Variants in ANGPT4 observed in about 807,000 individuals in gnomAD.
The protein encoded by ANGPT4 is angiopoietin-4.
In ANGPT4, 50 loss-of-function variants were observed where a neutral mutation model predicts 53.0. The observed-to-expected ratio is 0.94, with a 90% CI of 0.75 to 1.20. The LOEUF (loss-of-function observed/expected upper bound fraction) is 1.20. ANGPT4 is among the 50% of genes most tolerant of loss of function. ANGPT4 has a pLI of 0.00. For synonymous variants in ANGPT4, 251 were observed against 259.7 expected, an observed-to-expected ratio of 0.97 and a Z score of 0.32; for missense variants, 648 against 637.1, an observed-to-expected ratio of 1.02 and a Z score of -0.18.
intron 1 of ANGPT4, among the ~76,000 whole-genome samples, chr20:893,592 A>G (rs1180868910): frequency 6.6e-6 from 1 of 151,816 alleles, no homozygotes; most frequent in Admixed American, 6.6e-5. Context: ...AGCCATCACC[A>G]TCTCCCACCC....
In ANGPT4 at chr20:904,777, C is replaced by T. The variant is rs116216514; in HGVS notation, c.309+11129G>A. On this transcript the variant is annotated intron_variant, in intron 1 of 8. Coordinates refer to ENST00000381922, the MANE Select transcript of ANGPT4 (RefSeq NM_015985.4). The stretch of plus-strand genomic sequence containing the variant: ...AAGTATCTGGGACTATAGGCATGTG[C>T]CACCAGGCCCAGCCAATTTTTCAGT... Among the ~76,000 whole-genome samples the T allele has an allele frequency of 7.1e-3, 1,074 of 152,268 alleles. 10 individuals are homozygous for T. The highest frequency in any genetic ancestry group is 0.025 in the African/African-American group (1,020 of 41,536).
rs377130281 is a variant in ANGPT4 at position 915,792 on chromosome 20, T to C, written c.309+114A>G. 1.3e-5 allele frequency: 17 copies of C among 1,318,802 alleles called. No homozygotes were observed. The African/African-American group carries it at 2.4e-4, about 18-fold the overall frequency. 81.7% of individuals were successfully genotyped at this position (1,318,802 alleles called of 1,614,324 possible). On this transcript the variant is annotated intron_variant, in intron 1 of 8. Coordinates refer to ENST00000381922, the MANE Select transcript of ANGPT4 (RefSeq NM_015985.4). Reference sequence around the variant, plus strand: ...CCACCCCTGCCCCTCTTTGTGCAGCTCAGAGACAGCCCTCTGTGCTCAGGG... The same window carrying C: ...CCACCCCTGCCCCTCTTTGTGCAGCCCAGAGACAGCCCTCTGTGCTCAGGG...
rs1245055788 is a variant in ANGPT4, at chr20:871,769, T to G, written c.*1191A>C. The G allele has an allele frequency of 6.6e-6, 1 of 152,238 alleles. No individual in the cohort carries two copies. Among genetic ancestry groups the G allele is most frequent in the Admixed American group, 6.6e-5 (1 of 15,264 alleles). 9.4% of individuals were successfully genotyped at this position (152,238 alleles called of 1,614,324 possible). A position where few individuals can be genotyped will look rare whatever the true frequency, so the allele number is the denominator to read the frequency against. ...CTAAGGGAAGCCACCCAGGTAGAGATCAGCTTCCTGGGACTTGAAGGAGCC... is the reference window on the plus strand; with the variant it reads ...CTAAGGGAAGCCACCCAGGTAGAGAGCAGCTTCCTGGGACTTGAAGGAGCC... On this transcript the variant is annotated 3_prime_UTR_variant, in exon 9 of 9. Coordinates refer to ENST00000381922, the MANE Select transcript of ANGPT4 (RefSeq NM_015985.4).
At chr20:897,077 C>A (rs180999888) in intron 1 of ANGPT4, among the ~76,000 whole-genome samples, 1 of 152,174 alleles carries the variant, frequency 6.6e-6, no homozygotes, top group Non-Finnish European at 1.5e-5. Context: ...CAGAGAACAA[C>A]CCCCTTTAAC....
Position 904,459 on chromosome 20 carries a change from C to T in ANGPT4, c.309+11447G>A, listed in dbSNP as rs113919658. Among the ~76,000 whole-genome samples, 1,000 of 152,014 alleles carry T rather than the reference C, an allele frequency of 6.6e-3. 8 individuals carry two copies. Among genetic ancestry groups the T allele is most frequent in the Non-Finnish European group, 0.011 (766 of 68,030 alleles). On this transcript the variant is annotated intron_variant, in intron 1 of 8. Coordinates refer to ENST00000381922, the MANE Select transcript of ANGPT4 (RefSeq NM_015985.4). ...CTATGGGCCTCCATTGTTTGCTCAT[C>T]TAGTCCCCTCTAGCTGGGCCTGTAG...
rs1415454477 is a variant in ANGPT4 at position 908,827 on chromosome 20, T to C, written c.309+7079A>G. On this transcript the variant is annotated intron_variant, in intron 1 of 8. Transcript: ENST00000381922. This position sits in a 1 kb window ranked among gnomAD's most constrained non-coding sequence, Gnocchi z 4.9. ...TGCACATCTACACATAGTCCCAGAATTGAAAGGATGCATGATTTTTTCATG... is the reference window on the plus strand; with the variant it reads ...TGCACATCTACACATAGTCCCAGAACTGAAAGGATGCATGATTTTTTCATG... Among the ~76,000 whole-genome samples the C allele has an allele frequency of 6.6e-6, 1 of 152,124 alleles. No individual in the cohort carries two copies. Among genetic ancestry groups the C allele is most frequent in the Non-Finnish European group, 1.5e-5 (1 of 68,022 alleles).
Position 911,556 on chromosome 20 carries a change from G to A in ANGPT4, c.309+4350C>T, listed in dbSNP as rs926491287. ...AGGGAGTCACTTTGATAGCCAACCA[G>A]GAGAGAGAATCAGAGACAGAGACAC... On this transcript the variant is annotated intron_variant, in intron 1 of 8. Transcript: ENST00000381922. The surrounding 1 kb of genome is among the most constrained non-coding windows in gnomAD (Gnocchi z 4.9). Among the ~76,000 whole-genome samples the A allele has an allele frequency of 6.6e-6, 1 of 152,134 alleles. No individual in the cohort carries two copies. The highest frequency in any genetic ancestry group is 2.4e-5 in the African/African-American group (1 of 41,392).
chr20:916,000 G>A lies in ANGPT4; in HGVS notation c.215C>T (p.Ser72Leu), dbSNP rs892630652. The A allele has an allele frequency of 1.2e-6, 2 of 1,613,666 alleles. No homozygotes were observed. Among genetic ancestry groups the A allele is most frequent in the Non-Finnish European group, 1.7e-6 (2 of 1,179,702 alleles). Residue 72 changes from serine to leucine, a missense_variant, in exon 1 of 9, where the codon TCA (serine) becomes TTA (leucine). Physicochemically the swap from Ser to Leu is moderately radical, Grantham distance 145 (BLOSUM62 -2). Coordinates refer to ENST00000381922, the MANE Select transcript of ANGPT4 (RefSeq NM_015985.4). ...SRDSNTLQRE[S>L]LANPLHLGKL... is the part of the protein sequence containing the mutation. ...CCCCAGGTGCAGTGGGTTGGCCAGT[G>A]ATTCTCTCTGGAGGGTGTTGGAGTC...
intron 2 of ANGPT4, 136 bp from the exon 3 acceptor site, chr20:888,575 TACTC>T (rs1981710795): frequency 7.1e-7 from 1 of 1,406,066 alleles, no homozygotes; most frequent in South Asian, 1.5e-5. Flanking sequence ...TTCCTGTGGT[TACTC>T]ACTCACAGGC....
chr20:878,738 T>A (rs1336566822), intron 6 of ANGPT4, among the ~76,000 whole-genome samples: 1 of 152,308 alleles, frequency 6.6e-6, no homozygotes, highest in East Asian at 1.9e-4. Context: ...CCTTACACTT[T>A]ATTTGTGCGC....
rs548887804 is a variant in ANGPT4 at position 881,090 on chromosome 20, C to T, written c.951+81G>A. On this transcript the variant is annotated intron_variant, in intron 5 of 8. Coordinates refer to ENST00000381922, the MANE Select transcript of ANGPT4 (RefSeq NM_015985.4). ...TCAGATACTGGACAAAGCCTGATCC[C>T]GATGGGGTGCGGGGTGTCTGTTTGG... 7.0e-4 allele frequency: 802 copies of T among 1,147,730 alleles called. 1 individual carries two copies. The highest frequency in any genetic ancestry group is 9.2e-4 in the Non-Finnish European group (755 of 824,790). The allele number at this position is 1,147,730 out of a possible 1,614,324, so 71.1% of individuals were successfully genotyped here.
chr20:895,671 T>C (rs1600056460), intron 1 of ANGPT4, among the ~76,000 whole-genome samples: 2 of 152,150 alleles, frequency 1.3e-5, no homozygotes, highest in East Asian at 3.9e-4. Context: ...TTATATAAAA[T>C]GGACATCAAT....
At chr20:879,935 CAGACCCCCACAGAGCAACAGGTGAG>C in intron 5 of ANGPT4, 87 bp from the exon 6 acceptor site, 1 of 833,896 alleles carries the variant, frequency 1.2e-6, no homozygotes. Context: ...GCTAAGCAGA[CAGACCCCCACAGAGCAACAGGTGAG>C]CCTGGGGGTC....
At chr20:896,793 G>A (rs1405133950) in intron 1 of ANGPT4, among the ~76,000 whole-genome samples, 1 of 152,078 alleles carries the variant, frequency 6.6e-6, no homozygotes, top group Non-Finnish European at 1.5e-5. Context: ...TGGGTTGTAG[G>A]GAGCATTCCT....
rs141619674 is a variant in ANGPT4 at position 914,445 on chromosome 20, G to A, written c.309+1461C>T. ...GGAGTAAGGGTTCTTGCTTTTATTC[G>A]GATGCATGGTTAGCCCTGGGAGGAG... On this transcript the variant is annotated intron_variant, in intron 1 of 8. Coordinates refer to ENST00000381922, the MANE Select transcript of ANGPT4 (RefSeq NM_015985.4). The surrounding 1 kb of genome is among the most constrained non-coding windows in gnomAD (Gnocchi z 5.0). Among the ~76,000 whole-genome samples the A allele has an allele frequency of 1.2e-4, 19 of 152,064 alleles. No homozygotes were observed. The highest frequency in any genetic ancestry group is 1.2e-3 in the East Asian group (6 of 5,158).
intron 2 of ANGPT4, 138 bp downstream of exon 2, chr20:890,074 AG>A (rs1318120038): frequency 2.9e-6 from 3 of 1,032,974 alleles, no homozygotes; most frequent in Non-Finnish European, 4.2e-6. Context: ...TTCATCAGGG[AG>A]GAGGGACCCG....
chr20:886,656 A>G (rs975145375), intron 3 of ANGPT4, among the ~76,000 whole-genome samples: 5 of 152,224 alleles, frequency 3.3e-5, no homozygotes, highest in Non-Finnish European at 5.9e-5. Context: ...TTAGCCTGTG[A>G]TTGGGCACGA....
chr20:890,416 C>A, intron 1 of ANGPT4, 48 bp from the exon 2 acceptor site: 1 of 1,554,174 alleles, frequency 6.4e-7, no homozygotes, highest in Middle Eastern at 2.3e-4. Flanking sequence ...CGGGGGAAGC[C>A]CCCTGTCCCT....
Position 870,298 on chromosome 20 carries a change from GCAGGTGGATCACATGAGGC to G in ANGPT4, c.*2643_*2661del, listed in dbSNP as rs1189592958. ...AATCCCAGCACTTTGGGAGGCTGAG[GCAGGTGGATCACATGAGGC>G]CAGGAGTTTGAGACCAGCCTGGCCA... On this transcript the variant is annotated 3_prime_UTR_variant, in exon 9 of 9. Transcript: ENST00000381922. The G allele has an allele frequency of 6.6e-6, 1 of 152,186 alleles. No homozygotes were observed. The highest frequency in any genetic ancestry group is 1.5e-5 in the Non-Finnish European group (1 of 68,044). The allele number at this position is 152,186 out of a possible 1,614,324, so 9.4% of individuals were successfully genotyped here.
Sources: allele counts gnomAD v4.1 joint callset (sites outside exome capture counted in the v4.1 genomes callset), GRCh38; gene constraint gnomAD v4.1.1; non-coding constraint Gnocchi (gnomAD v3.1); transcripts MANE v1.5; gene names NCBI Gene and HGNC (gene_info 2026-07-23, HGNC 2026-07-21).